JAZF1: variants seen among roughly 807,000 people sequenced by gnomAD.
JAZF1 encodes JAZF zinc finger 1, also known as juxtaposed with another zinc finger protein 1.
JAZF1 carries 8 observed loss-of-function variants against 26.4 expected under a neutral mutation model. That is an observed-to-expected ratio of 0.30 (90% CI 0.18 to 0.55). JAZF1 has a LOEUF of 0.55. Ranked by LOEUF, JAZF1 falls within the 20% of genes least tolerant of loss-of-function variation. The pLI is 0.94. For missense variants in JAZF1, 199 were observed against 322.0 expected, an observed-to-expected ratio of 0.62 and a Z score of 2.92; for synonymous variants, 126 against 122.3, an observed-to-expected ratio of 1.03 and a Z score of -0.20.
chr7:28,006,909 A>AT (rs59134078), intron 1 of JAZF1, among the ~76,000 whole-genome samples: 7,005 of 152,242 alleles, frequency 0.046, 570 homozygotes, highest in African/African-American at 0.16. Context: ...ATGAACATGG[A>AT]TTTTTTATGA....
At chr7:28,113,960 C>T (rs1583567863) in intron 1 of JAZF1, among the ~76,000 whole-genome samples, 1 of 152,312 alleles carries the variant, frequency 6.6e-6, no homozygotes, top group African/African-American at 2.4e-5. Context: ...TTTCAGTTTA[C>T]TTTGCTAAAG....
chr7:28,126,989 C>A (rs1308980237), intron 1 of JAZF1, among the ~76,000 whole-genome samples: 2 of 152,336 alleles, frequency 1.3e-5, no homozygotes, highest in Non-Finnish European at 2.9e-5. Context: ...GCTTTTCTGG[C>A]CAAAGCCCCC....
At chr7:28,008,564 C>T (rs1411443625) in intron 1 of JAZF1, among the ~76,000 whole-genome samples, 2 of 152,198 alleles carry the variant, frequency 1.3e-5, no homozygotes, top group Non-Finnish European at 2.9e-5. Flanking sequence ...CCAGTGCAGC[C>T]ACATCTTAAC....
At chr7:28,178,079 T>A (rs567070960) in intron 1 of JAZF1, among the ~76,000 whole-genome samples, 54 of 152,370 alleles carry the variant, frequency 3.5e-4, no homozygotes, top group African/African-American at 1.2e-3. Flanking sequence ...GCAACACAGT[T>A]CACCTAGGTC....
At chr7:28,165,871 A>G (rs1286035353) in intron 1 of JAZF1, among the ~76,000 whole-genome samples, 1 of 152,230 alleles carries the variant, frequency 6.6e-6, no homozygotes, top group African/African-American at 2.4e-5. Flanking sequence ...TTCCATGAGC[A>G]TGAGGCTTTA....
intron 1 of JAZF1, among the ~76,000 whole-genome samples, chr7:28,029,949 T>G (rs1029531900): frequency 2.0e-5 from 3 of 152,242 alleles, no homozygotes; most frequent in Admixed American, 2.0e-4. Context: ...CAGGTATACC[T>G]GGGTTAAAGC....
At chr7:28,101,076 G>T (rs889912382) in intron 1 of JAZF1, among the ~76,000 whole-genome samples, 1 of 152,148 alleles carries the variant, frequency 6.6e-6, no homozygotes, top group Non-Finnish European at 1.5e-5. Flanking sequence ...TTTCAGAACT[G>T]CTTTGAAGCA....
chr7:27,986,219 G>T (rs1053052982), intron 2 of JAZF1, among the ~76,000 whole-genome samples: 1 of 152,184 alleles, frequency 6.6e-6, no homozygotes, highest in Non-Finnish European at 1.5e-5. Context: ...AAACCCCATC[G>T]TCTCAGCCCA....
chr7:28,012,101 T>A (rs183593440), intron 1 of JAZF1, among the ~76,000 whole-genome samples: 4 of 152,364 alleles, frequency 2.6e-5, no homozygotes, highest in Non-Finnish European at 5.9e-5. Context: ...ACAGTCTGGA[T>A]GCTGAAGCAT....
chr7:28,089,234 A>G (rs186225922), intron 1 of JAZF1, among the ~76,000 whole-genome samples: 1 of 152,310 alleles, frequency 6.6e-6, no homozygotes, highest in East Asian at 1.9e-4. Context: ...GTCCTTGCCT[A>G]TGATGGGATT....
At chr7:28,178,969 C>A (rs1783589024) in intron 1 of JAZF1, among the ~76,000 whole-genome samples, 1 of 152,208 alleles carries the variant, frequency 6.6e-6, no homozygotes, top group Non-Finnish European at 1.5e-5. Context: ...AGGCATTCAA[C>A]ACTTATTAAG....
chr7:28,150,001 G>A (rs1783086036), intron 1 of JAZF1, among the ~76,000 whole-genome samples: 1 of 152,174 alleles, frequency 6.6e-6, no homozygotes, highest in African/African-American at 2.4e-5. Flanking sequence ...CCCTTGCCAG[G>A]AGCACCCTGA....
intron 1 of JAZF1, among the ~76,000 whole-genome samples, chr7:28,110,563 A>AG (rs1784640171): frequency 7.9e-6 from 1 of 126,612 alleles, no homozygotes; most frequent in African/African-American, 2.8e-5. Context: ...AGGAAAGGGA[A>AG]AGGAAAAGGG....
intron 1 of JAZF1, among the ~76,000 whole-genome samples, chr7:28,083,497 A>C (rs1041882910): frequency 1.3e-5 from 2 of 152,178 alleles, no homozygotes; most frequent in African/African-American, 4.8e-5. Context: ...GAACTCAGAA[A>C]ATGTATGGAA....
chr7:28,153,927 C>T (rs1783144670), intron 1 of JAZF1, among the ~76,000 whole-genome samples: 1 of 152,034 alleles, frequency 6.6e-6, no homozygotes. Context: ...GCCCCTCTAC[C>T]CCCTCCCCCT....
chr7:27,899,334 C>G (rs1386954969), intron 2 of JAZF1, among the ~76,000 whole-genome samples: 1 of 152,228 alleles, frequency 6.6e-6, no homozygotes, highest in African/African-American at 2.4e-5. Context: ...GTTGCCAAGG[C>G]TGAGTTCAGG....
chr7:27,895,540 T>C, intron 2 of JAZF1, 124 bp from the exon 3 acceptor site: 1 of 525,640 alleles, frequency 1.9e-6, no homozygotes, highest in South Asian at 3.8e-5. Context: ...TCAGTCCCAA[T>C]CTCAAAAACT....
rs891452985 is a variant in JAZF1, at chr7:27,840,358, G to C, written c.555+340C>G. Among the ~76,000 whole-genome samples the C allele has an allele frequency of 6.6e-6, 1 of 152,208 alleles. No homozygotes were observed. Among genetic ancestry groups the C allele is most frequent in the Non-Finnish European group, 1.5e-5 (1 of 68,036 alleles). ...GGGAAGGTGCTTGGCAAATAAAGTA[G>C]GTTGACATATTTGATATTCTGTTCT... On this transcript the variant is annotated intron_variant, in intron 4 of 4. Transcript: ENST00000283928. The surrounding 1 kb of genome is among the most constrained non-coding windows in gnomAD (Gnocchi z 5.1).
chr7:28,146,208 T>C (rs1783025163), intron 1 of JAZF1, among the ~76,000 whole-genome samples: 1 of 152,182 alleles, frequency 6.6e-6, no homozygotes, highest in Admixed American at 6.5e-5. Flanking sequence ...CTAGCCATAC[T>C]AAGGAGCAGA....
Sources: allele counts gnomAD v4.1 joint callset (sites outside exome capture counted in the v4.1 genomes callset), GRCh38; gene constraint gnomAD v4.1.1; non-coding constraint Gnocchi (gnomAD v3.1); transcripts MANE v1.5; gene names NCBI Gene and HGNC (gene_info 2026-07-23, HGNC 2026-07-21).